ANKRD18A: variants seen among roughly 807,000 people sequenced by gnomAD.
ANKRD18A encodes the protein ankyrin repeat domain 18A, also known as ankyrin repeat domain-containing protein 18A.
A neutral mutation model predicts 110.6 loss-of-function variants in ANKRD18A; 72 were observed. That is an observed-to-expected ratio of 0.65 (90% CI 0.54 to 0.79). The LOEUF (loss-of-function observed/expected upper bound fraction) is 0.79. Among genes scored for constraint, ANKRD18A ranks in the 30% least tolerant of loss-of-function variants. The pLI is 0.00. For missense variants in ANKRD18A, 934 were observed against 1,163.3 expected (o/e 0.80, Z 2.87); for synonymous variants, 305 against 410.3 (o/e 0.74, Z 3.10).
intron 12 of ANKRD18A, among the ~76,000 whole-genome samples, chr9:38,579,702 C>T (rs1824068434): frequency 6.6e-6 from 1 of 152,162 alleles, no homozygotes. Context: ...TTTCAGAGAA[C>T]AGTAAACTCT....
rs550843041 is a variant in ANKRD18A, at chr9:38,595,126, T to C, written c.1854+360A>G. 5.3e-5 allele frequency among the ~76,000 whole-genome samples: 8 copies of C among 152,290 alleles called. No individual in the cohort carries two copies. The South Asian group carries it at 1.7e-3, about 32-fold the overall frequency. ...AATATGATTTTTATTCAAACAGCTT[T>C]GTTGAAATATGATTTATAGAATTTA... On this transcript the variant is annotated intron_variant, in intron 9 of 15. Transcript: ENST00000399703.
intron 10 of ANKRD18A, among the ~76,000 whole-genome samples, chr9:38,592,283 T>C (rs1824684959): frequency 6.6e-6 from 1 of 152,252 alleles, no homozygotes; most frequent in African/African-American, 2.4e-5. Flanking sequence ...TATAGAAGGA[T>C]AGGCGACATT....
At position 38,577,170 on chromosome 9, in the gene ANKRD18A, C is replaced by A. The variant is rs535115776; in HGVS notation, c.2624G>T (p.Cys875Phe). The change falls in exon 14 of 16, where the codon TGT (cysteine) becomes TTT (phenylalanine). Residue 875 changes from cysteine to phenylalanine, a missense_variant. This residue lies in a region of ANKRD18A where 223 missense variants were observed against 226.7 expected (regional missense o/e 0.98). Transcript: ENST00000399703. ...AGCAGTTTTCATTTTGGAGAATTTA[C>A]ATTCCACATCTTTAAGTGTGAGTTC... is the stretch of plus-strand genomic sequence containing the variant. ...KKELTLKDVE[C>F]KFSKMKTAYE... 31 of 1,549,010 alleles carry A rather than the reference C, an allele frequency of 2.0e-5. No homozygotes were observed. In the African/African-American group the frequency reaches 3.6e-4, roughly 18 times the overall value.
At chr9:38,616,165 T>G in intron 1 of ANKRD18A, 121 bp from the exon 2 acceptor site, 2 of 767,072 alleles carry the variant, frequency 2.6e-6, no homozygotes, top group Non-Finnish European at 4.0e-6. Flanking sequence ...ATAATTTTCT[T>G]TTGAAGAAAG....
intron 15 of ANKRD18A, among the ~76,000 whole-genome samples, chr9:38,573,371 T>C (rs1424961227): frequency 6.6e-6 from 1 of 152,200 alleles, no homozygotes; most frequent in African/African-American, 2.4e-5. Context: ...ATAGATAATA[T>C]TGGTCTATTG....
chr9:38,569,600 C>T (rs193207216), downstream of ANKRD18A, among the ~76,000 whole-genome samples: 867 of 152,282 alleles, frequency 5.7e-3, 11 homozygotes, highest in African/African-American at 0.019. Flanking sequence ...GGCCCAGAGT[C>T]GGTGTCCTCT....
chr9:38,614,219 G>GTTTTT (rs58955752), intron 3 of ANKRD18A, among the ~76,000 whole-genome samples: 165 of 68,702 alleles, frequency 2.4e-3, no homozygotes, highest in Middle Eastern at 0.013. Flanking sequence ...GAACACTGAG[G>GTTTTT]TTTTTTTTTT....
At chr9:38,593,940 A>G in intron 9 of ANKRD18A, 31 bp from the exon 10 acceptor site, 1 of 1,446,232 alleles carries the variant, frequency 6.9e-7, no homozygotes, top group Non-Finnish European at 9.1e-7. Flanking sequence ...CCAATTTTAT[A>G]AAGTGGCTTA....
At chr9:38,575,775 A>C (rs572646283) in intron 14 of ANKRD18A, 77 bp from the exon 15 acceptor site, 173 of 1,444,790 alleles carry the variant, frequency 1.2e-4, no homozygotes, top group Admixed American at 3.0e-4. Context: ...ATTTTTTAAA[A>C]AGTTGCCCTG....
At chr9:38,587,413 A>G (rs2118723682) in intron 11 of ANKRD18A, among the ~76,000 whole-genome samples, 1 of 152,292 alleles carries the variant, frequency 6.6e-6, no homozygotes, top group Non-Finnish European at 1.5e-5. Context: ...CAAAACATGA[A>G]TGCTCATTTT....
intron 12 of ANKRD18A, among the ~76,000 whole-genome samples, chr9:38,584,573 G>GTTAA: frequency 6.6e-6 from 1 of 152,132 alleles, no homozygotes; most frequent in African/African-American, 2.4e-5. Context: ...CAATAAACCT[G>GTTAA]TTACACCCCA....
intron 7 of ANKRD18A, 48 bp downstream of exon 7, chr9:38,603,111 C>T: frequency 1.3e-6 from 2 of 1,525,922 alleles, no homozygotes; most frequent in African/African-American, 1.5e-5. Flanking sequence ...CTTCCCTTGT[C>T]TCCCAGTCTC....
intron 13 of ANKRD18A, among the ~76,000 whole-genome samples, chr9:38,577,473 T>C (rs41313960): frequency 0.01 from 1,570 of 152,262 alleles, 25 homozygotes; most frequent in South Asian, 0.071. Context: ...ATCATACTTA[T>C]GTTAGTATTA....
downstream of ANKRD18A, among the ~76,000 whole-genome samples, chr9:38,570,928 G>A (rs1444461311): frequency 1.3e-5 from 2 of 152,238 alleles, no homozygotes; most frequent in Non-Finnish European, 2.9e-5. Flanking sequence ...CAGAGTGGGA[G>A]GAAGGGAGGG....
Position 38,575,465 on chromosome 9 carries a change from A to T in ANKRD18A, c.2964+11T>A. On this transcript the variant is annotated intron_variant, in intron 15 of 15. Coordinates refer to ENST00000399703, the MANE Select transcript of ANKRD18A (RefSeq NM_147195.4). The stretch of plus-strand genomic sequence containing the variant: ...AATGAAACCCAAAAGAGAAATGGTC[A>T]TATAACTAACCTCAGTCAAGAAGTT... The T allele has an allele frequency of 6.5e-7, 1 of 1,545,916 alleles. No individual in the cohort carries two copies. Among genetic ancestry groups the T allele is most frequent in the Non-Finnish European group, 8.7e-7 (1 of 1,144,340 alleles).
intron 12 of ANKRD18A, among the ~76,000 whole-genome samples, chr9:38,584,244 A>G (rs1274742807): frequency 6.6e-6 from 1 of 152,222 alleles, no homozygotes; most frequent in Non-Finnish European, 1.5e-5. Flanking sequence ...AAGGAGCGAA[A>G]GCCCTGCATC....
intron 12 of ANKRD18A, among the ~76,000 whole-genome samples, chr9:38,581,237 G>T (rs1246293256): frequency 6.6e-6 from 1 of 152,210 alleles, no homozygotes; most frequent in Non-Finnish European, 1.5e-5. Context: ...AATAAATGTT[G>T]AGATTAATTT....
chr9:38,595,887 T>C lies in ANKRD18A; in HGVS notation c.1453A>G (p.Thr485Ala). 4 of 1,551,398 alleles carry C rather than the reference T, an allele frequency of 2.6e-6. No individual in the cohort carries two copies. The highest frequency in any genetic ancestry group is 3.5e-6 in the Non-Finnish European group (4 of 1,146,712). Residue 485 changes from threonine (T) to alanine (A), a missense_variant, in exon 9 of 16, where the codon ACC becomes GCC. Thr to Ala is a moderately conservative substitution (Grantham distance 58, BLOSUM62 0). Around this residue, in one of 4 missense-constraint regions of ANKRD18A, gnomAD observed 630 missense variants for 797.5 expected, o/e 0.79. Coordinates refer to ENST00000399703, the MANE Select transcript of ANKRD18A (RefSeq NM_147195.4). ...GTCTCACGGAGCTTACCTTTTAAGG[T>C]ATTGAACTTCACCCGAGCTTTATGG... ...QVHKARVKFN[T>A]LKGKLRETRD... is the part of the protein sequence containing the mutation.
chr9:38,573,669 C>T (rs1393222669), intron 15 of ANKRD18A, among the ~76,000 whole-genome samples: 1 of 151,544 alleles, frequency 6.6e-6, no homozygotes, highest in Non-Finnish European at 1.5e-5. Flanking sequence ...GAGCCGAGAT[C>T]GTGCCACGGC....
Sources: gnomAD v4.1 joint callset for allele counts (sites outside exome capture counted in the v4.1 genomes callset) on GRCh38, gnomAD v4.1.1 for gene constraint, gnomAD v4.1.1 regional missense constraint, MANE v1.5 for transcripts, NCBI Gene and HGNC (gene_info 2026-07-23, HGNC 2026-07-21) for gene names.